FMN1: variants seen among roughly 807,000 people sequenced by gnomAD.
FMN1 encodes the protein formin-1.
Under a neutral mutation model 132.4 loss-of-function variants are expected in FMN1, and 110 were observed. The observed-to-expected ratio is 0.83, with a 90% confidence interval of 0.71 to 0.97. The LOEUF is 0.97. FMN1 is among the 50% of genes least tolerant of loss of function. The probability of loss-of-function intolerance (pLI) is 0.00; values close to 1 mark genes in which losing one functional copy is unlikely to be tolerated. For missense variants in FMN1, 1,792 were observed against 1,705.3 expected (o/e 1.05, Z -0.90); for synonymous variants, 722 against 651.7 (o/e 1.11, Z -1.64).
intron 6 of FMN1, chr15:33,013,103 G>C: frequency 2.4e-6 from 1 of 411,498 alleles, no homozygotes; most frequent in Non-Finnish European, 4.8e-6. Flanking sequence ...TAGGAGAGTA[G>C]AGCCAGAGAA....
intron 9 of FMN1, among the ~76,000 whole-genome samples, chr15:32,943,898 G>C (rs1275435390): frequency 6.6e-6 from 1 of 152,186 alleles, no homozygotes; most frequent in Non-Finnish European, 1.5e-5. Flanking sequence ...ATTCCAAGAA[G>C]TGATGCAAAA....
intron 17 of FMN1, among the ~76,000 whole-genome samples, chr15:32,837,966 T>C (rs770478374): frequency 6.6e-6 from 1 of 152,144 alleles, no homozygotes; most frequent in Non-Finnish European, 1.5e-5. Context: ...TATTGCCTCA[T>C]TTATGTAGCA....
At chr15:33,082,046 TG>T (rs2038490810) in intron 5 of FMN1, among the ~76,000 whole-genome samples, 27 of 139,876 alleles carry the variant, frequency 1.9e-4, no homozygotes, top group East Asian at 1.2e-3. Context: ...TGTGTGTGTG[TG>T]TGTGTGTAAG....
chr15:33,017,327 T>C (rs1040070110), intron 6 of FMN1, among the ~76,000 whole-genome samples: 1 of 152,206 alleles, frequency 6.6e-6, no homozygotes, highest in Admixed American at 6.5e-5. Flanking sequence ...TTAATAATAA[T>C]GTATTGGGTC....
At chr15:33,177,821 A>G (rs964239958) in intron 3 of FMN1, among the ~76,000 whole-genome samples, 10 of 152,094 alleles carry the variant, frequency 6.6e-5, no homozygotes, top group Non-Finnish European at 1.2e-4. Context: ...CCAGACCAAC[A>G]TGGTGAAACC....
chr15:33,180,784 T>C (rs896600802), intron 2 of FMN1, among the ~76,000 whole-genome samples: 1 of 143,818 alleles, frequency 7.0e-6, no homozygotes, highest in Non-Finnish European at 1.5e-5. Flanking sequence ...AGTCTCACTC[T>C]GGTTGCCCAG....
chr15:33,099,330 G>A (rs1385661461), intron 4 of FMN1, among the ~76,000 whole-genome samples: 2 of 152,128 alleles, frequency 1.3e-5, no homozygotes, highest in African/African-American at 4.8e-5. Context: ...CGAGTGTACT[G>A]TGTGTCAGGA....
intron 9 of FMN1, among the ~76,000 whole-genome samples, chr15:32,944,937 G>A (rs1421953831): frequency 6.6e-6 from 1 of 152,130 alleles, no homozygotes; most frequent in African/African-American, 2.4e-5. Flanking sequence ...ACTGCCTTCA[G>A]ACAGAACCAG....
At chr15:32,882,032 G>GA (rs1442995482) in intron 16 of FMN1, among the ~76,000 whole-genome samples, 1 of 152,174 alleles carries the variant, frequency 6.6e-6, no homozygotes, top group African/African-American at 2.4e-5. Context: ...GGGAGTCAGA[G>GA]AAACTGAAAA....
At chr15:32,896,513 T>C (rs2060160625) in intron 15 of FMN1, among the ~76,000 whole-genome samples, 1 of 152,170 alleles carries the variant, frequency 6.6e-6, no homozygotes, top group South Asian at 2.1e-4. Context: ...ATGTGTATTA[T>C]TGTACAGATC....
chr15:33,128,274 G>C (rs920360864), intron 4 of FMN1, among the ~76,000 whole-genome samples: 3 of 152,104 alleles, frequency 2.0e-5, no homozygotes, highest in Admixed American at 6.5e-5. Context: ...AATTAGAAGC[G>C]CAACAGTTGG....
intron 4 of FMN1, among the ~76,000 whole-genome samples, chr15:33,115,780 C>A (rs1443437035): frequency 6.6e-6 from 1 of 152,144 alleles, no homozygotes. Context: ...CTTTCAGTTA[C>A]CACTTAGAAG....
intron 17 of FMN1, among the ~76,000 whole-genome samples, chr15:32,820,694 A>G (rs975686124): frequency 4.6e-5 from 7 of 152,194 alleles, no homozygotes; most frequent in Admixed American, 1.3e-4. Flanking sequence ...TGAGACTGTC[A>G]GTCCTCCACA....
intron 10 of FMN1, among the ~76,000 whole-genome samples, chr15:32,925,578 TGA>T (rs1441234160): frequency 6.6e-6 from 1 of 152,144 alleles, no homozygotes; most frequent in African/African-American, 2.4e-5. Flanking sequence ...AAAATAAACT[TGA>T]GAGACACGTC....
At chr15:32,854,337 C>A (rs1435783434) in intron 17 of FMN1, among the ~76,000 whole-genome samples, 1 of 152,162 alleles carries the variant, frequency 6.6e-6, no homozygotes, top group African/African-American at 2.4e-5. Flanking sequence ...ACTGTTTTGA[C>A]AAAATGAGTT....
At chr15:32,948,269 A>G (rs1449794150) in intron 9 of FMN1, among the ~76,000 whole-genome samples, 1 of 151,870 alleles carries the variant, frequency 6.6e-6, no homozygotes, top group Non-Finnish European at 1.5e-5. Flanking sequence ...GCCAGTCTGG[A>G]ATAAATCAGT....
chr15:33,044,854 C>A (rs1348936319), intron 6 of FMN1, among the ~76,000 whole-genome samples: 1 of 152,234 alleles, frequency 6.6e-6, no homozygotes, highest in Non-Finnish European at 1.5e-5. Flanking sequence ...CTCCTCTACA[C>A]CTTGCTCCCC....
rs572982243 is a variant in FMN1, at chr15:32,768,456, T to C, written c.*5854A>G. ...CTTCTTGATGTATTAAGATAATGCA[T>C]TGGCAGCTCACACTATACATGGAGA... On this transcript the variant is annotated 3_prime_UTR_variant, in exon 21 of 21. Transcript: ENST00000616417. 6 of 152,348 alleles carry C rather than the reference T, an allele frequency of 3.9e-5. No homozygotes were observed. Among genetic ancestry groups the C allele is most frequent in the African/African-American group, 7.2e-5 (3 of 41,582 alleles). 9.4% of individuals were successfully genotyped at this position (152,348 alleles called of 1,614,324 possible). A position where few individuals can be genotyped will look rare whatever the true frequency, so the allele number is the denominator to read the frequency against.
intron 6 of FMN1, among the ~76,000 whole-genome samples, chr15:33,033,862 G>T (rs565953113): frequency 3.3e-5 from 5 of 152,146 alleles, no homozygotes; most frequent in African/African-American, 7.2e-5. Flanking sequence ...TACTTCATTT[G>T]CTCTATCACG....
Sources: allele counts gnomAD v4.1 joint callset (sites outside exome capture counted in the v4.1 genomes callset), GRCh38; gene constraint gnomAD v4.1.1; transcripts MANE v1.5; gene names NCBI Gene and HGNC (gene_info 2026-07-23, HGNC 2026-07-21).